Variants in LAPTM4B observed in about 807,000 individuals in gnomAD.
LAPTM4B encodes the protein lysosomal protein transmembrane 4 beta.
Under a neutral mutation model 28.5 loss-of-function variants are expected in LAPTM4B, and 26 were observed. That is an observed-to-expected ratio of 0.91 (90% CI 0.67 to 1.27). The LOEUF is 1.27. Among genes scored for constraint, LAPTM4B ranks in the 50% most tolerant of loss-of-function variants. The pLI is 0.00. For missense variants in LAPTM4B, 288 were observed against 285.8 expected (o/e 1.01, Z -0.06); for synonymous variants, 109 against 106.4 (o/e 1.02, Z -0.15).
At chr8:97,827,125 A>G (rs1448972905) in intron 6 of LAPTM4B, among the ~76,000 whole-genome samples, 1 of 152,208 alleles carries the variant, frequency 6.6e-6, no homozygotes, top group Non-Finnish European at 1.5e-5. Context: ...AGGAGGCGAT[A>G]CATAGGTTTT....
rs886291068 is a variant in LAPTM4B at position 97,851,480 on chromosome 8, C to T, written c.*6C>T. 8 of 1,611,156 alleles carry T rather than the reference C, an allele frequency of 5.0e-6. No individual in the cohort carries two copies. The South Asian group carries it at 5.5e-5, about 11-fold the overall frequency. On this transcript the variant is annotated 3_prime_UTR_variant, in exon 7 of 7. Transcript: ENST00000521545. ...CACCTTACGTGTCTGCCTAAGCCTT[C>T]AAGTGGGCGGAGCTGAGGGCAGCAG...
Position 97,776,054 on chromosome 8 carries a change from C to T in LAPTM4B, c.45C>T (p.Cys15=), listed in dbSNP as rs773392680. Residue 15 remains cysteine (C), a synonymous_variant, in exon 1 of 7, where the codon TGC becomes TGT. Transcript: ENST00000521545. ...APWTRFYSNS[C]CLCCHVRTGT... ...GGACGCGGTTCTACTCCAACAGCTG[C>T]TGCTTGTGCTGCCATGTCCGCACCG... 2 of 1,588,242 alleles carry T rather than the reference C, an allele frequency of 1.3e-6. No homozygotes were observed. Among genetic ancestry groups the T allele is most frequent in the Admixed American group, 3.4e-5 (2 of 58,638 alleles).
intron 1 of LAPTM4B, among the ~76,000 whole-genome samples, chr8:97,776,685 A>G (rs1816223633): frequency 7.2e-6 from 1 of 138,390 alleles, no homozygotes; most frequent in Non-Finnish European, 1.5e-5. Flanking sequence ...CCTCTTGTGA[A>G]TGGGTCCCCC....
intron 2 of LAPTM4B, among the ~76,000 whole-genome samples, chr8:97,811,105 C>T (rs908489068): frequency 1.3e-5 from 2 of 152,236 alleles, no homozygotes; most frequent in African/African-American, 2.4e-5. Context: ...ACGCAGTTAA[C>T]AGTACCACCT....
intron 6 of LAPTM4B, 72 bp from the exon 7 acceptor site, chr8:97,851,325 A>G (rs1175422119): frequency 1.6e-5 from 20 of 1,242,916 alleles, no homozygotes; most frequent in Non-Finnish European, 2.4e-5. Flanking sequence ...ATAAAAGTTC[A>G]GTAAAAGCTA....
intron 2 of LAPTM4B, among the ~76,000 whole-genome samples, chr8:97,807,445 A>G (rs1018820807): frequency 6.6e-6 from 1 of 152,184 alleles, no homozygotes; most frequent in Non-Finnish European, 1.5e-5. Flanking sequence ...TGAGGATTAA[A>G]TGAGTTAGTG....
intron 6 of LAPTM4B, among the ~76,000 whole-genome samples, chr8:97,844,867 T>C (rs1388944294): frequency 1.3e-5 from 2 of 152,128 alleles, no homozygotes; most frequent in Non-Finnish European, 2.9e-5. Context: ...ATGACTGACT[T>C]CCTCTTTCCA....
intron 6 of LAPTM4B, among the ~76,000 whole-genome samples, chr8:97,849,127 C>T (rs530619717): frequency 6.6e-6 from 1 of 152,260 alleles, no homozygotes; most frequent in African/African-American, 2.4e-5. Flanking sequence ...CCAGAAAGTG[C>T]CCTGTGTCCT....
intron 5 of LAPTM4B, among the ~76,000 whole-genome samples, chr8:97,821,606 C>T (rs1322009786): frequency 6.6e-6 from 1 of 151,594 alleles, no homozygotes; most frequent in East Asian, 1.9e-4. Context: ...GTAGCTGTGA[C>T]GGTTTTGCAT....
intron 6 of LAPTM4B, among the ~76,000 whole-genome samples, chr8:97,833,534 A>G (rs1438728883): frequency 2.6e-5 from 4 of 152,186 alleles, no homozygotes; most frequent in Non-Finnish European, 5.9e-5. Context: ...AACAGGATAT[A>G]TGGGTCAATA....
Position 97,805,349 on chromosome 8 carries a change from GC to G in LAPTM4B, c.100-3del. 1.1e-6 allele frequency: 1 copy of G among 924,818 alleles called. No homozygotes were observed. The highest frequency in any genetic ancestry group is 1.9e-5 in the South Asian group (1 of 53,692). 57.3% of individuals were successfully genotyped at this position (924,818 alleles called of 1,614,324 possible). Reference sequence around the variant, plus strand: ...CTTTTTTTTTTTTTTTTTTCTTGTTGCAGATCATCAATGCTGTGGTACTGTT... The same window carrying G: ...CTTTTTTTTTTTTTTTTTTCTTGTTGAGATCATCAATGCTGTGGTACTGTT... On this transcript the variant is annotated splice_region_variant and splice_polypyrimidine_tract_variant and intron_variant, in intron 1 of 6. Transcript: ENST00000521545.
chr8:97,813,291 G>A (rs569325371), intron 2 of LAPTM4B, among the ~76,000 whole-genome samples: 1 of 152,386 alleles, frequency 6.6e-6, no homozygotes, highest in African/African-American at 2.4e-5. Context: ...GAGTCCAAAA[G>A]CGGAAGAATC....
chr8:97,846,664 C>T (rs942515023), intron 6 of LAPTM4B, among the ~76,000 whole-genome samples: 16 of 152,178 alleles, frequency 1.1e-4, no homozygotes, highest in Admixed American at 3.9e-4. Context: ...TAGTTCTTCC[C>T]TCCTGAGCAT....
rs78967897 is a variant in LAPTM4B, at chr8:97,786,252, T to G, written c.99+10144T>G. On this transcript the variant is annotated intron_variant, in intron 1 of 6. Coordinates refer to ENST00000521545, the MANE Select transcript of LAPTM4B (RefSeq NM_018407.6). ...AGTAAAAAGCAAACAAAGACCACAC[T>G]TCTTCAGTTGCTCCTAACGTTTTAA... is the stretch of plus-strand genomic sequence containing the variant. 7.2e-3 allele frequency among the ~76,000 whole-genome samples: 1,092 copies of G among 152,290 alleles called. 13 individuals carry two copies. The highest frequency in any genetic ancestry group is 0.025 in the African/African-American group (1,038 of 41,564).
At chr8:97,805,530 T>A in intron 2 of LAPTM4B, 66 bp downstream of exon 2, 1 of 864,220 alleles carries the variant, frequency 1.2e-6, no homozygotes, top group Non-Finnish European at 2.0e-6. Context: ...TCCTATTAAA[T>A]TACAAATATA....
chr8:97,848,828 G>A (rs891534182), intron 6 of LAPTM4B, among the ~76,000 whole-genome samples: 2 of 152,198 alleles, frequency 1.3e-5, no homozygotes, highest in Non-Finnish European at 2.9e-5. Context: ...ATAAGTTGCT[G>A]TATCTAATGC....
intron 5 of LAPTM4B, among the ~76,000 whole-genome samples, chr8:97,821,073 C>T (rs1447275932): frequency 6.6e-6 from 1 of 151,508 alleles, no homozygotes; most frequent in East Asian, 2.0e-4. Flanking sequence ...TGTGGTGGCT[C>T]ATGCCTGTAA....
chr8:97,797,506 TAAA>T (rs894173642), intron 1 of LAPTM4B, among the ~76,000 whole-genome samples: 1 of 152,204 alleles, frequency 6.6e-6, no homozygotes, highest in African/African-American at 2.4e-5. Context: ...ATTAACATTT[TAAA>T]AAATAAGATT....
intron 1 of LAPTM4B, among the ~76,000 whole-genome samples, chr8:97,777,578 A>G (rs1250935203): frequency 2.6e-5 from 4 of 152,126 alleles, no homozygotes; most frequent in Non-Finnish European, 5.9e-5. Context: ...TTTAAGCAAA[A>G]CATTTCACCC....
Sources: gnomAD v4.1 joint callset for allele counts (sites outside exome capture counted in the v4.1 genomes callset) on GRCh38, gnomAD v4.1.1 for gene constraint, MANE v1.5 for transcripts, NCBI Gene and HGNC (gene_info 2026-07-23, HGNC 2026-07-21) for gene names.